The following CNTN1 variants were observed in gnomAD, a reference collection of about 807,000 sequenced individuals.
CNTN1 encodes the protein contactin 1.
Under a neutral mutation model 126.4 loss-of-function variants are expected in CNTN1, and 38 were observed. That is an observed-to-expected ratio of 0.30 (90% CI 0.23 to 0.39). The LOEUF (loss-of-function observed/expected upper bound fraction) is 0.39. CNTN1 is among the 10% of genes least tolerant of loss of function. The probability of loss-of-function intolerance (pLI) is 1.00; values close to 1 mark genes in which losing one functional copy is unlikely to be tolerated. For synonymous variants in CNTN1, 413 were observed against 422.6 expected, an observed-to-expected ratio of 0.98 and a Z score of 0.28; for missense variants, 1,009 against 1,248.4, an observed-to-expected ratio of 0.81 and a Z score of 2.89.
intron 1 of CNTN1, among the ~76,000 whole-genome samples, chr12:40,854,398 G>A (rs1942825071): frequency 1.3e-5 from 2 of 152,032 alleles, no homozygotes; most frequent in South Asian, 4.1e-4. Context: ...GGAATAATTA[G>A]TTATTCCCAC....
intron 1 of CNTN1, among the ~76,000 whole-genome samples, chr12:40,700,451 G>A (rs1192833829): frequency 4.6e-5 from 7 of 152,046 alleles, no homozygotes; most frequent in Non-Finnish European, 8.8e-5. Context: ...ATTTGAACCC[G>A]GGAGGCAGAG....
chr12:40,882,693 C>A (rs1234743821), intron 1 of CNTN1, among the ~76,000 whole-genome samples: 1 of 151,598 alleles, frequency 6.6e-6, no homozygotes, highest in Non-Finnish European at 1.5e-5. Context: ...AGTAGTCCAT[C>A]TTCACTAAGC....
intron 15 of CNTN1, among the ~76,000 whole-genome samples, chr12:40,974,457 TA>T (rs1257360893): frequency 6.6e-6 from 1 of 151,684 alleles, no homozygotes; most frequent in Non-Finnish European, 1.5e-5. Flanking sequence ...AAAATAAAAA[TA>T]AAAAATAAAA....
At chr12:41,059,284 G>A (rs961919561) in intron 23 of CNTN1, among the ~76,000 whole-genome samples, 2 of 152,130 alleles carry the variant, frequency 1.3e-5, no homozygotes, top group South Asian at 4.1e-4. Context: ...AAAGATGACT[G>A]AAGACCAACA....
chr12:40,894,349 A>T (rs1002259352), intron 1 of CNTN1, among the ~76,000 whole-genome samples: 1 of 152,172 alleles, frequency 6.6e-6, no homozygotes, highest in Non-Finnish European at 1.5e-5. Flanking sequence ...AACCCACAGC[A>T]GATATACATG....
At chr12:41,048,601 T>C (rs1949599950) in intron 23 of CNTN1, among the ~76,000 whole-genome samples, 1 of 152,144 alleles carries the variant, frequency 6.6e-6, no homozygotes, top group Non-Finnish European at 1.5e-5. Context: ...ATATTTCTTT[T>C]TTTCTATTTG....
chr12:40,933,317 T>C lies in CNTN1; in HGVS notation c.704-144T>C. 6.0e-6 allele frequency: 4 copies of C among 669,544 alleles called. No individual in the cohort carries two copies. In the East Asian group the frequency reaches 8.0e-5, roughly 13 times the overall value. The allele number at this position is 669,544 out of a possible 1,614,324, so 41.5% of individuals were successfully genotyped here. A position where few individuals can be genotyped will look rare whatever the true frequency, so the allele number is the denominator to read the frequency against. On this transcript the variant is annotated intron_variant, in intron 7 of 23. Coordinates refer to ENST00000551295, the MANE Select transcript of CNTN1 (RefSeq NM_001843.4). Reference sequence around the variant, plus strand: ...TTCATACTGTGCATAAACAAACAAGTCTATCCATTATGATATGACCTGTAC... The same window carrying C: ...TTCATACTGTGCATAAACAAACAAGCCTATCCATTATGATATGACCTGTAC...
chr12:41,067,511 A>C (rs182201), intron 23 of CNTN1, among the ~76,000 whole-genome samples: 1 of 150,986 alleles, frequency 6.6e-6, no homozygotes, highest in Non-Finnish European at 1.5e-5. Context: ...AATTCCTATC[A>C]CAAGAACAAA....
intron 1 of CNTN1, among the ~76,000 whole-genome samples, chr12:40,704,010 G>A (rs1941670234): frequency 6.6e-6 from 1 of 152,116 alleles, no homozygotes; most frequent in Non-Finnish European, 1.5e-5. Flanking sequence ...TAAAGACCTG[G>A]AGGCAAAGAA....
intron 17 of CNTN1, among the ~76,000 whole-genome samples, chr12:41,010,338 G>T (rs944129152): frequency 2.0e-5 from 3 of 152,178 alleles, no homozygotes; most frequent in Non-Finnish European, 4.4e-5. Context: ...GGTTAAGGTG[G>T]TTTTTTCTTG....
Position 41,072,189 on chromosome 12 carries a change from C to T in CNTN1, c.*2154C>T, listed in dbSNP as rs181641681. 17 of 152,236 alleles carry T rather than the reference C, an allele frequency of 1.1e-4. No homozygotes were observed. The highest frequency in any genetic ancestry group is 1.6e-4 in the Non-Finnish European group (11 of 68,018). 9.4% of individuals were successfully genotyped at this position (152,236 alleles called of 1,614,324 possible). A position where few individuals can be genotyped will look rare whatever the true frequency, so the allele number is the denominator to read the frequency against. ...TAACTAATAATCATCTGCTTTAAGA[C>T]GCAAGATTCTGAATTAAACTTTATA... On this transcript the variant is annotated 3_prime_UTR_variant, in exon 24 of 24. Coordinates refer to ENST00000551295, the MANE Select transcript of CNTN1 (RefSeq NM_001843.4).
chr12:41,020,302 C>T (rs768683820), intron 19 of CNTN1, 35 bp from the exon 20 acceptor site: 1 of 1,309,030 alleles, frequency 7.6e-7, no homozygotes, highest in Non-Finnish European at 1.1e-6. Context: ...ATGTAAATAT[C>T]TCACTAATAA....
chr12:40,716,352 T>C (rs1345445679), intron 1 of CNTN1, among the ~76,000 whole-genome samples: 2 of 147,948 alleles, frequency 1.4e-5, no homozygotes, highest in African/African-American at 4.9e-5. Flanking sequence ...CCCTTCCTCC[T>C]CTTCTCCTCC....
intron 1 of CNTN1, among the ~76,000 whole-genome samples, chr12:40,807,253 G>T (rs775877846): frequency 6.6e-6 from 1 of 151,978 alleles, no homozygotes; most frequent in Non-Finnish European, 1.5e-5. Flanking sequence ...TGCAAGAAAA[G>T]GGGGTGTCCA....
At chr12:40,925,545 G>T (rs1945615240) in intron 6 of CNTN1, among the ~76,000 whole-genome samples, 2 of 138,460 alleles carry the variant, frequency 1.4e-5, no homozygotes, top group South Asian at 4.5e-4. Flanking sequence ...GTGTGTGTGT[G>T]TGTATATATA....
chr12:40,974,617 A>G (rs1228399238), intron 15 of CNTN1, among the ~76,000 whole-genome samples: 3 of 152,136 alleles, frequency 2.0e-5, no homozygotes, highest in Non-Finnish European at 2.9e-5. Flanking sequence ...GCTGTTTTAA[A>G]AATATTGTTT....
intron 16 of CNTN1, among the ~76,000 whole-genome samples, chr12:40,984,983 TGC>T (rs1947919672): frequency 6.6e-6 from 1 of 152,046 alleles, no homozygotes; most frequent in East Asian, 1.9e-4. Flanking sequence ...CCTTTACCAA[TGC>T]TCATTATTTT....
At chr12:40,772,290 G>T (rs974885218) in intron 1 of CNTN1, among the ~76,000 whole-genome samples, 1 of 151,938 alleles carries the variant, frequency 6.6e-6, no homozygotes, top group Non-Finnish European at 1.5e-5. Context: ...AAAAGAACAT[G>T]AACTTTCTTT....
intron 1 of CNTN1, among the ~76,000 whole-genome samples, chr12:40,708,072 T>C (rs1355487832): frequency 1.3e-5 from 2 of 152,202 alleles, no homozygotes; most frequent in African/African-American, 4.8e-5. Flanking sequence ...TGAAGTTACA[T>C]TTTCTTCCAT....
Sources: allele counts gnomAD v4.1 joint callset (sites outside exome capture counted in the v4.1 genomes callset), GRCh38; gene constraint gnomAD v4.1.1; transcripts MANE v1.5; gene names NCBI Gene and HGNC (gene_info 2026-07-23, HGNC 2026-07-21).